Variants in PPP2R1A observed in about 807,000 individuals in gnomAD.
PPP2R1A encodes the protein protein phosphatase 2 scaffold subunit Aalpha, also known as serine/threonine-protein phosphatase 2A 65 kDa regulatory subunit A alpha isoform.
In PPP2R1A, 15 loss-of-function variants were observed where a neutral mutation model predicts 67.1. The ratio of observed to expected loss-of-function variants is 0.22; its 90% confidence interval spans 0.15 to 0.34. PPP2R1A has a LOEUF of 0.34. Ranked by LOEUF, PPP2R1A falls within the 10% of genes least tolerant of loss-of-function variation. The pLI, the probability that PPP2R1A is intolerant of heterozygous loss-of-function variation, is 1.00. For missense variants in PPP2R1A, 369 were observed against 775.0 expected (o/e 0.48, Z 6.22); for synonymous variants, 337 against 325.0 (o/e 1.04, Z -0.40).
Position 52,212,285 on chromosome 19 carries a change from A to G in PPP2R1A, c.504-401A>G, listed in dbSNP as rs868840913. ...TTTTTGGCAGAGATGGGGTCTCACTATGTTGCTCAGGCTGGTCTTGAACTC... is the reference window on the plus strand; with the variant it reads ...TTTTTGGCAGAGATGGGGTCTCACTGTGTTGCTCAGGCTGGTCTTGAACTC... On this transcript the variant is annotated intron_variant, in intron 4 of 14. Coordinates refer to ENST00000322088, the MANE Select transcript of PPP2R1A (RefSeq NM_014225.6). This position sits in a 1 kb window ranked among gnomAD's most constrained non-coding sequence, Gnocchi z 4.1. Among the ~76,000 whole-genome samples the G allele has an allele frequency of 3.3e-5, 5 of 151,698 alleles. No individual in the cohort carries two copies. Among genetic ancestry groups the G allele is most frequent in the East Asian group, 1.9e-4 (1 of 5,160 alleles).
At chr19:52,221,411 C>T (rs964852544) in intron 12 of PPP2R1A, among the ~76,000 whole-genome samples, 3 of 152,154 alleles carry the variant, frequency 2.0e-5, no homozygotes, top group African/African-American at 7.2e-5. Context: ...GCTTTATGAG[C>T]ACCCCTCTCC....
rs1466973729 is a variant in PPP2R1A at position 52,216,972 on chromosome 19, C to T, written c.1128+309C>T. Among the ~76,000 whole-genome samples the T allele has an allele frequency of 1.3e-5, 2 of 152,084 alleles. No individual in the cohort carries two copies. The highest frequency in any genetic ancestry group is 4.8e-5 in the African/African-American group (2 of 41,418). On this transcript the variant is annotated intron_variant, in intron 9 of 14. Coordinates refer to ENST00000322088, the MANE Select transcript of PPP2R1A (RefSeq NM_014225.6). The surrounding 1 kb of genome is among the most constrained non-coding windows in gnomAD (Gnocchi z 4.3). ...TGGGAGGCTGAGGCGGGTGGATCAC[C>T]TGAGGTCAGGAGTTCGAGACCAGCC...
At chr19:52,198,014 C>T (rs953815406) in intron 1 of PPP2R1A, among the ~76,000 whole-genome samples, 1 of 152,212 alleles carries the variant, frequency 6.6e-6, no homozygotes, top group Non-Finnish European at 1.5e-5. Flanking sequence ...TGAACAAAAT[C>T]AGGATGCTGT....
intron 2 of PPP2R1A, among the ~76,000 whole-genome samples, chr19:52,202,818 A>T (rs938910053): frequency 1.3e-5 from 2 of 152,254 alleles, no homozygotes; most frequent in Non-Finnish European, 2.9e-5. Context: ...GGGCATAATT[A>T]TGTAACCTAA....
intron 1 of PPP2R1A, among the ~76,000 whole-genome samples, chr19:52,194,577 G>T (rs563666238): frequency 2.4e-4 from 37 of 152,190 alleles, no homozygotes; most frequent in Admixed American, 4.6e-4. Context: ...TAGCATGCAG[G>T]GGGGAAGTAT....
chr19:52,222,006 G>C lies in PPP2R1A; in HGVS notation c.1519-93G>C, dbSNP rs1354217300. ...GTATTGCTCAGCCTCTGTGGGGCCT[G>C]ATGATCACCAGAGTGGCCTGGTCAG... On this transcript the variant is annotated intron_variant, in intron 12 of 14. Transcript: ENST00000322088. The C allele has an allele frequency of 3.7e-6, 5 of 1,344,058 alleles. No individual in the cohort carries two copies. In the South Asian group the frequency reaches 5.7e-5, roughly 15 times the overall value. 83.3% of individuals were successfully genotyped at this position (1,344,058 alleles called of 1,614,324 possible). A position where few individuals can be genotyped will look rare whatever the true frequency, so the allele number is the denominator to read the frequency against.
At chr19:52,221,594 C>G (rs1978933379) in intron 12 of PPP2R1A, among the ~76,000 whole-genome samples, 1 of 152,126 alleles carries the variant, frequency 6.6e-6, no homozygotes, top group Non-Finnish European at 1.5e-5. Flanking sequence ...GTAAAGAATT[C>G]ATACTGGTAA....
chr19:52,190,428 G>A (rs1038035790), intron 1 of PPP2R1A: 20 of 561,872 alleles, frequency 3.6e-5, no homozygotes, highest in Non-Finnish European at 5.4e-5. Context: ...GGCGGTCCGC[G>A]GTCCTGGGAG....
At chr19:52,193,734 T>TA (rs1428640128) in intron 1 of PPP2R1A, among the ~76,000 whole-genome samples, 3 of 152,094 alleles carry the variant, frequency 2.0e-5, no homozygotes, top group Non-Finnish European at 4.4e-5. Flanking sequence ...CACATCCAGC[T>TA]AATTTTTGTA....
Position 52,190,256 on chromosome 19 carries a change from T to G in PPP2R1A, c.78+82T>G, listed in dbSNP as rs114390941. 3.5e-3 allele frequency: 5,157 copies of G among 1,469,822 alleles called. 148 individuals are homozygous for G. In the African/African-American group the frequency reaches 0.063, roughly 18 times the overall value. 91.0% of individuals were successfully genotyped at this position (1,469,822 alleles called of 1,614,324 possible). A position where few individuals can be genotyped will look rare whatever the true frequency, so the allele number is the denominator to read the frequency against. ...CGGCCCTCGCGGAGAAGACTCAGCG[T>G]TCGCTGGGAGTGGCGGAAGGGGGCG... On this transcript the variant is annotated intron_variant, in intron 1 of 14. Transcript: ENST00000322088.
intron 3 of PPP2R1A, among the ~76,000 whole-genome samples, chr19:52,210,481 CT>C (rs2089654732): frequency 7.2e-6 from 1 of 139,734 alleles, no homozygotes; most frequent in Non-Finnish European, 1.5e-5. Context: ...TCAGTTTTCT[CT>C]TCTTTTTTTT....
intron 2 of PPP2R1A, among the ~76,000 whole-genome samples, chr19:52,204,806 G>A (rs2089586172): frequency 1.3e-5 from 2 of 152,166 alleles, no homozygotes; most frequent in African/African-American, 4.8e-5. Context: ...CTCCTACTGG[G>A]CCCTGTGCTG....
chr19:52,217,191 A>G (rs1401713735), intron 9 of PPP2R1A, among the ~76,000 whole-genome samples: 1 of 151,674 alleles, frequency 6.6e-6, no homozygotes, highest in African/African-American at 2.4e-5. Flanking sequence ...CTCTGTCTCA[A>G]AAAAAAAATT....
intron 9 of PPP2R1A, among the ~76,000 whole-genome samples, chr19:52,218,456 C>T (rs1275857504): frequency 6.6e-6 from 1 of 151,442 alleles, no homozygotes; most frequent in African/African-American, 2.4e-5. Context: ...TTTGTTTTTC[C>T]CTATTAGTGG....
rs776745905 is a variant in PPP2R1A at position 52,216,508 on chromosome 19, C to T, written c.994-21C>T. On this transcript the variant is annotated intron_variant, in intron 8 of 14. Transcript: ENST00000322088. The surrounding 1 kb of genome is among the most constrained non-coding windows in gnomAD (Gnocchi z 4.3). The stretch of plus-strand genomic sequence containing the variant: ...TGCAGGGGTTGCACTGACCCCTGTG[C>T]CTGCCTCTTCTCTCTCCCAGGAGCT... 1.9e-6 allele frequency: 3 copies of T among 1,613,946 alleles called. No individual in the cohort carries two copies. The highest frequency in any genetic ancestry group is 2.5e-6 in the Non-Finnish European group (3 of 1,180,020).
chr19:52,220,958 C>G (rs1359846280), intron 11 of PPP2R1A, 21 bp from the exon 12 acceptor site: 1 of 1,613,522 alleles, frequency 6.2e-7, no homozygotes, highest in Non-Finnish European at 8.5e-7. Flanking sequence ...CCCTGTCTCT[C>G]TCACCCTCAC....
chr19:52,227,453 T>C lies in PPP2R1A; in HGVS notation c.*1472T>C, dbSNP rs529332698. Reference sequence around the variant, plus strand: ...AAGTGCCTGTTCGTTTAGGGTTTCATCACTTGAAGGTGACCGGAATTCTAA... The same window carrying C: ...AAGTGCCTGTTCGTTTAGGGTTTCACCACTTGAAGGTGACCGGAATTCTAA... On this transcript the variant is annotated 3_prime_UTR_variant, in exon 15 of 15. Transcript: ENST00000322088. 6.6e-6 allele frequency: 1 copy of C among 152,350 alleles called. No individual in the cohort carries two copies. Among genetic ancestry groups the C allele is most frequent in the East Asian group, 1.9e-4 (1 of 5,184 alleles). 9.4% of individuals were successfully genotyped at this position (152,350 alleles called of 1,614,324 possible).
At chr19:52,224,354 G>C (rs1348901503) in intron 13 of PPP2R1A, among the ~76,000 whole-genome samples, 2 of 152,032 alleles carry the variant, frequency 1.3e-5, no homozygotes, top group Non-Finnish European at 2.9e-5. Context: ...CCATAGATGA[G>C]AGTGGATGCC....
At position 52,212,295 on chromosome 19, in the gene PPP2R1A, G is replaced by A. The variant is rs144060390; in HGVS notation, c.504-391G>A. Among the ~76,000 whole-genome samples, 525 of 152,064 alleles carry A rather than the reference G, an allele frequency of 3.5e-3. 14 individuals are homozygous for A. In the East Asian group the frequency reaches 0.061, roughly 18 times the overall value. The stretch of plus-strand genomic sequence containing the variant: ...AGATGGGGTCTCACTATGTTGCTCA[G>A]GCTGGTCTTGAACTCCTGGGCTCAA... On this transcript the variant is annotated intron_variant, in intron 4 of 14. Coordinates refer to ENST00000322088, the MANE Select transcript of PPP2R1A (RefSeq NM_014225.6). The surrounding 1 kb of genome is among the most constrained non-coding windows in gnomAD (Gnocchi z 4.1).
Sources: allele counts gnomAD v4.1 joint callset (sites outside exome capture counted in the v4.1 genomes callset), GRCh38; gene constraint gnomAD v4.1.1; non-coding constraint Gnocchi (gnomAD v3.1); transcripts MANE v1.5; gene names NCBI Gene and HGNC (gene_info 2026-07-23, HGNC 2026-07-21).